ITK: variants seen among roughly 807,000 people sequenced by gnomAD.
The protein encoded by ITK is IL2 inducible T cell kinase, also known as tyrosine-protein kinase ITK/TSK.
In ITK, 45 loss-of-function variants were observed where a neutral mutation model predicts 87.6. That is an observed-to-expected ratio of 0.51 (90% CI 0.40 to 0.66). The LOEUF (loss-of-function observed/expected upper bound fraction) is 0.66. Ranked by LOEUF, ITK falls within the 30% of genes least tolerant of loss-of-function variation. The pLI is 0.00. For missense variants in ITK, 605 were observed against 766.3 expected, an observed-to-expected ratio of 0.79 and a Z score of 2.48; for synonymous variants, 303 against 273.6, an observed-to-expected ratio of 1.11 and a Z score of -1.06.
chr5:157,231,339 T>C (rs1329381053), intron 7 of ITK, among the ~76,000 whole-genome samples: 2 of 152,238 alleles, frequency 1.3e-5, no homozygotes, highest in African/African-American at 2.4e-5. Flanking sequence ...CCCACCATGC[T>C]GGTGACAACC....
At chr5:157,184,145 A>AT (rs34893065) in intron 1 of ITK, among the ~76,000 whole-genome samples, 23,877 of 151,962 alleles carry the variant, frequency 0.16, 2,231 homozygotes, top group African/African-American at 0.25. Context: ...GTGCCTGTCA[A>AT]TTTTTTTCCA....
intron 5 of ITK, among the ~76,000 whole-genome samples, chr5:157,221,734 A>G (rs1428025915): frequency 2.0e-5 from 3 of 152,140 alleles, no homozygotes; most frequent in Admixed American, 6.5e-5. Context: ...TTCTTCTTCA[A>G]ACATCCTTGA....
chr5:157,220,900 C>A (rs1754400760), intron 5 of ITK, among the ~76,000 whole-genome samples: 1 of 151,588 alleles, frequency 6.6e-6, no homozygotes, highest in African/African-American at 2.4e-5. Flanking sequence ...ACTCTGTTGC[C>A]CAGGCTGGAA....
chr5:157,187,580 T>A (rs908835804), intron 1 of ITK, among the ~76,000 whole-genome samples: 1 of 152,148 alleles, frequency 6.6e-6, no homozygotes, highest in Admixed American at 6.5e-5. Flanking sequence ...GAGGTAGTAG[T>A]GTGTGGCCTA....
At chr5:157,225,727 A>G (rs901217446) in intron 6 of ITK, among the ~76,000 whole-genome samples, 1 of 152,208 alleles carries the variant, frequency 6.6e-6, no homozygotes, top group Non-Finnish European at 1.5e-5. Flanking sequence ...TCATGAAGAC[A>G]ATTGAGCTAG....
intron 1 of ITK, among the ~76,000 whole-genome samples, chr5:157,201,034 A>T (rs900339472): frequency 6.6e-6 from 1 of 152,206 alleles, no homozygotes; most frequent in African/African-American, 2.4e-5. Context: ...ATTTTCACAA[A>T]TGCAATGTTG....
At position 157,248,927 on chromosome 5, in the gene ITK, A is replaced by C. The variant is rs144950783; in HGVS notation, c.1711A>C (p.Ile571Leu). Reference protein sequence around the residue: ...NRSNSEVVEDISTGFRLYKPR... With the variant: ...NRSNSEVVEDLSTGFRLYKPR... ...AAGCAACTCAGAGGTGGTGGAAGAC[A>C]TCAGTACCGGATTTCGGTTGTACAA... Residue 571 changes from isoleucine (I) to leucine (L), a missense_variant, in exon 16 of 17, where the codon ATC becomes CTC. Physicochemically the swap from Ile to Leu is conservative, Grantham distance 5. Around this residue, in one of 3 missense-constraint regions of ITK, gnomAD observed 71 missense variants for 65.8 expected, o/e 1.08. Coordinates refer to ENST00000422843, the MANE Select transcript of ITK (RefSeq NM_005546.4). 1.9e-6 allele frequency: 3 copies of C among 1,613,976 alleles called. No individual in the cohort carries two copies. In the South Asian group the frequency reaches 3.3e-5, roughly 18 times the overall value.
At chr5:157,219,117 T>A (rs931864408) in intron 5 of ITK, among the ~76,000 whole-genome samples, 3 of 149,860 alleles carry the variant, frequency 2.0e-5, no homozygotes, top group African/African-American at 7.3e-5. Context: ...TTCTTTCTTT[T>A]TTTTTTTTTT....
At chr5:157,216,445 T>G (rs1465675829) in intron 4 of ITK, among the ~76,000 whole-genome samples, 2 of 152,126 alleles carry the variant, frequency 1.3e-5, no homozygotes, top group African/African-American at 4.8e-5. Context: ...TGATAAATGG[T>G]AATTGTGTCT....
At chr5:157,232,710 C>T (rs923209099) in intron 8 of ITK, among the ~76,000 whole-genome samples, 2 of 152,220 alleles carry the variant, frequency 1.3e-5, no homozygotes, top group Admixed American at 6.5e-5. Context: ...GTTGGATTAA[C>T]GATAGTTTTC....
At chr5:157,225,046 G>A (rs1396590091) in intron 6 of ITK, among the ~76,000 whole-genome samples, 1 of 151,858 alleles carries the variant, frequency 6.6e-6, no homozygotes, top group Non-Finnish European at 1.5e-5. Context: ...CCAGGTTGGA[G>A]CACAGTGGCA....
chr5:157,208,756 G>T, intron 1 of ITK, 133 bp from the exon 2 acceptor site: 1 of 704,064 alleles, frequency 1.4e-6, no homozygotes, highest in Non-Finnish European at 2.5e-6. Flanking sequence ...GGCAGTTTTG[G>T]ATATTTGGTT....
intron 1 of ITK, chr5:157,199,859 A>G (rs1561649569): frequency 6.6e-6 from 1 of 152,174 alleles, no homozygotes; most frequent in Non-Finnish European, 1.5e-5. Flanking sequence ...TCCAAGCTCT[A>G]TTTCATAAAA....
intron 13 of ITK, chr5:157,245,244 A>T (rs892444349): frequency 1.4e-4 from 25 of 175,420 alleles, no homozygotes; most frequent in East Asian, 3.1e-4. Flanking sequence ...AAAAAAAAAA[A>T]ATTGAGACAC....
chr5:157,252,879 A>G lies in ITK; in HGVS notation c.*201A>G, dbSNP rs1755171155. ...AGCCACAGCTGGAGGGTCAGCCACCAAGCTGGGAGCTGAGCCAGAACAGGA... is the reference window on the plus strand; with the variant it reads ...AGCCACAGCTGGAGGGTCAGCCACCGAGCTGGGAGCTGAGCCAGAACAGGA... On this transcript the variant is annotated 3_prime_UTR_variant, in exon 17 of 17. Coordinates refer to ENST00000422843, the MANE Select transcript of ITK (RefSeq NM_005546.4). 1.6e-6 allele frequency: 1 copy of G among 623,190 alleles called. No individual in the cohort carries two copies. Among genetic ancestry groups the G allele is most frequent in the African/African-American group, 1.8e-5 (1 of 55,166 alleles). 38.6% of individuals were successfully genotyped at this position (623,190 alleles called of 1,614,324 possible).
intron 4 of ITK, among the ~76,000 whole-genome samples, chr5:157,215,453 C>T (rs1439066635): frequency 6.6e-6 from 1 of 152,164 alleles, no homozygotes; most frequent in Non-Finnish European, 1.5e-5. Flanking sequence ...TAGACATAAT[C>T]GATCCCTGGG....
In ITK at chr5:157,214,276, GAAGCTTGC is replaced by G; in HGVS notation, c.414_421del (p.Lys138AsnfsTer7). On this transcript the variant is annotated frameshift_variant, in exon 4 of 17. Coordinates refer to ENST00000422843, the MANE Select transcript of ITK (RefSeq NM_005546.4). LOFTEE classifies it high-confidence loss of function. ...AGTGGAGGTGCTGTTCTCAGCTGGA[GAAGCTTGC>G]AACAGGCTGTGCCCAATATGATCCA... 1 of 1,612,668 alleles carries G rather than the reference GAAGCTTGC, an allele frequency of 6.2e-7. No individual in the cohort carries two copies. Among genetic ancestry groups the G allele is most frequent in the Non-Finnish European group, 8.5e-7 (1 of 1,178,626 alleles).
At position 157,243,906 on chromosome 5, in the gene ITK, C is replaced by T. The variant is rs66943334; in HGVS notation, c.1232+112C>T. 0.17 allele frequency: 165,024 copies of T among 975,082 alleles called. 15,465 individuals carry two copies. Among genetic ancestry groups the T allele is most frequent in the Admixed American group, 0.25 (13,173 of 52,804 alleles). The allele number at this position is 975,082 out of a possible 1,614,324, so 60.4% of individuals were successfully genotyped here. ...ACTATCTCCCTGCGCAAACTCCCAG[C>T]AGTGGCTTCCTATTGCACAGAGAAT... On this transcript the variant is annotated intron_variant, in intron 12 of 16. Coordinates refer to ENST00000422843, the MANE Select transcript of ITK (RefSeq NM_005546.4).
intron 1 of ITK, among the ~76,000 whole-genome samples, chr5:157,187,088 G>A (rs1022652999): frequency 1.3e-5 from 2 of 152,200 alleles, no homozygotes; most frequent in East Asian, 3.8e-4. Flanking sequence ...TAAAGCCTCC[G>A]TTTTAAGTGT....
Sources: allele counts gnomAD v4.1 joint callset (sites outside exome capture counted in the v4.1 genomes callset), GRCh38; gene constraint gnomAD v4.1.1; regional missense constraint gnomAD v4.1.1; transcripts MANE v1.5; gene names NCBI Gene and HGNC (gene_info 2026-07-23, HGNC 2026-07-21).